Variants in SPTB observed in about 807,000 individuals in gnomAD.
The protein encoded by SPTB is spectrin beta, erythrocytic.
SPTB carries 45 observed loss-of-function variants against 256.2 expected under a neutral mutation model. That is an observed-to-expected ratio of 0.18 (90% confidence interval 0.14 to 0.23). The LOEUF is 0.23. Ranked by LOEUF, SPTB falls within the 10% of genes least tolerant of loss-of-function variation. The pLI, the probability that SPTB is intolerant of heterozygous loss-of-function variation, is 1.00. For synonymous variants in SPTB, 1,231 were observed against 1,243.1 expected (o/e 0.99, Z 0.21); for missense variants, 2,715 against 3,040.4 (o/e 0.89, Z 2.52).
chr14:64,779,515 C>T lies in SPTB; in HGVS notation c.4473+210G>A, dbSNP rs544244602. On this transcript the variant is annotated intron_variant, in intron 21 of 35. Transcript: ENST00000644917. The surrounding 1 kb of genome is among the most constrained non-coding windows in gnomAD (Gnocchi z 4.2). ...TCTGACCCAAGTCCATGCTCTTCACCGAGCAATACTAGCAAGTGAACAGTG... is the reference window on the plus strand; with the variant it reads ...TCTGACCCAAGTCCATGCTCTTCACTGAGCAATACTAGCAAGTGAACAGTG... Among the ~76,000 whole-genome samples the T allele has an allele frequency of 1.9e-4, 29 of 152,312 alleles. No individual in the cohort carries two copies. Among genetic ancestry groups the T allele is most frequent in the African/African-American group, 5.8e-4 (24 of 41,552 alleles).
rs1164171886 is a variant in SPTB, at chr14:64,760,595, C to T, written c.6345+6131G>A. Among the ~76,000 whole-genome samples the T allele has an allele frequency of 1.3e-5, 2 of 152,174 alleles. No individual in the cohort carries two copies. The highest frequency in any genetic ancestry group is 2.4e-5 in the African/African-American group (1 of 41,420). On this transcript the variant is annotated intron_variant, in intron 32 of 35. Coordinates refer to ENST00000644917, the MANE Select transcript of SPTB (RefSeq NM_001355436.2). The surrounding 1 kb of genome is among the most constrained non-coding windows in gnomAD (Gnocchi z 4.3). ...GGCTGACTGCAGCAACGGGATGCAT[C>T]GTGCCACAACTGAATTCATGTTAGA...
At chr14:64,843,796 C>T (rs1055229153) in intron 1 of SPTB, among the ~76,000 whole-genome samples, 4 of 152,278 alleles carry the variant, frequency 2.6e-5, no homozygotes, top group Admixed American at 2.0e-4. Flanking sequence ...CAATAGTCAC[C>T]GCCTGCTCTA....
intron 18 of SPTB, among the ~76,000 whole-genome samples, chr14:64,784,918 G>C (rs544927131): frequency 6.6e-6 from 1 of 152,324 alleles, no homozygotes; most frequent in South Asian, 2.1e-4. Context: ...GAGGGACCTG[G>C]GAAGGCGGAT....
Position 64,796,971 on chromosome 14 carries a change from A to C in SPTB, c.1183-256T>G, listed in dbSNP as rs910868863. Among the ~76,000 whole-genome samples, 2 of 152,148 alleles carry C rather than the reference A, an allele frequency of 1.3e-5. No individual in the cohort carries two copies. The highest frequency in any genetic ancestry group is 2.4e-5 in the African/African-American group (1 of 41,426). On this transcript the variant is annotated intron_variant, in intron 10 of 35. Coordinates refer to ENST00000644917, the MANE Select transcript of SPTB (RefSeq NM_001355436.2). This position sits in a 1 kb window ranked among gnomAD's most constrained non-coding sequence, Gnocchi z 4.1. ...AACCTGCCTCAGACTCTTGGCCCAA[A>C]ATAATGTTTTTCACCTCTCTGGATG...
intron 30 of SPTB, 61 bp from the exon 31 acceptor site, chr14:64,767,413 G>C (rs116589340): frequency 3.7e-6 from 6 of 1,604,490 alleles, no homozygotes; most frequent in Non-Finnish European, 5.1e-6. Flanking sequence ...GTTCTCAGAC[G>C]ATCTCCCTCT....
rs2082427908 is a variant in SPTB, at chr14:64,779,594, G to GAC, written c.4473+130_4473+131insGT. The GAC allele has an allele frequency of 2.4e-5, 22 of 930,008 alleles. No homozygotes were observed. The highest frequency in any genetic ancestry group is 3.9e-5 in the Non-Finnish European group (22 of 567,278). 57.6% of individuals were successfully genotyped at this position (930,008 alleles called of 1,614,324 possible). A position where few individuals can be genotyped will look rare whatever the true frequency, so the allele number is the denominator to read the frequency against. ...TTTCCATTTAATGTAATCCTCACAA[G>GAC]AACCCTATGAGATAAGGGGTGAGGT... On this transcript the variant is annotated intron_variant, in intron 21 of 35. Transcript: ENST00000644917. This position sits in a 1 kb window ranked among gnomAD's most constrained non-coding sequence, Gnocchi z 4.2.
intron 3 of SPTB, 55 bp downstream of exon 3, chr14:64,804,883 CT>C: frequency 6.2e-7 from 1 of 1,611,210 alleles, no homozygotes; most frequent in African/African-American, 1.3e-5. Flanking sequence ...CAAACCATGC[CT>C]TTGCTGAAGA....
At position 64,823,683 on chromosome 14, in the gene SPTB, G is replaced by A. The variant is rs187544192; in HGVS notation, c.-51-538C>T. ...AAGCCGCCACTGACGCCACCAGCCC[G>A]GGGCAGCTGCACTGGGGGGACTTCA... On this transcript the variant is annotated intron_variant, in intron 1 of 35. Transcript: ENST00000644917. This position sits in a 1 kb window ranked among gnomAD's most constrained non-coding sequence, Gnocchi z 6.5. Among the ~76,000 whole-genome samples, 24 of 152,304 alleles carry A rather than the reference G, an allele frequency of 1.6e-4. No homozygotes were observed. The highest frequency in any genetic ancestry group is 3.4e-3 in the Middle Eastern group (1 of 294).
intron 1 of SPTB, among the ~76,000 whole-genome samples, chr14:64,857,308 C>A (rs921284638): frequency 3.9e-5 from 6 of 152,068 alleles, no homozygotes; most frequent in African/African-American, 1.4e-4. Context: ...CCGGGCCGGA[C>A]ACAGTGGCCC....
At chr14:64,782,847 T>C (rs913118999) in intron 19 of SPTB, among the ~76,000 whole-genome samples, 24 of 148,568 alleles carry the variant, frequency 1.6e-4, no homozygotes, top group Admixed American at 1.5e-3. Context: ...CTGTGCATAA[T>C]TTTCATGATA....
rs374648585 is a variant in SPTB, at chr14:64,786,654, G to A, written c.3311C>T (p.Ala1104Val). ...PEAEQLLQQH[A>V]GIKDEIDGHQ... The stretch of plus-strand genomic sequence containing the variant: ...CCCGTCAATCTCATCCTTGATACCT[G>A]CATGCTGCTGCAGGAGCTGCTCAGC... Residue 1104 changes from alanine (A) to valine (V), a missense_variant, in exon 16 of 36, where the codon GCA (alanine) becomes GTA (valine). Around this residue, in one of 4 missense-constraint regions of SPTB, gnomAD observed 2,239 missense variants for 2,384.4 expected, o/e 0.94. Transcript: ENST00000644917. This position sits in a 1 kb window ranked among gnomAD's most constrained non-coding sequence, Gnocchi z 5.6. 1.2e-6 allele frequency: 2 copies of A among 1,614,106 alleles called. No individual in the cohort carries two copies. Among genetic ancestry groups the A allele is most frequent in the Non-Finnish European group, 1.7e-6 (2 of 1,179,960 alleles).
intron 1 of SPTB, among the ~76,000 whole-genome samples, chr14:64,835,986 G>C (rs570673447): frequency 6.6e-6 from 1 of 152,198 alleles, no homozygotes; most frequent in Non-Finnish European, 1.5e-5. Flanking sequence ...CTGTGGGAGA[G>C]ACTGGTGGGG....
chr14:64,834,947 A>G (rs1441174403), intron 1 of SPTB, among the ~76,000 whole-genome samples: 1 of 152,246 alleles, frequency 6.6e-6, no homozygotes, highest in Admixed American at 6.5e-5. Context: ...TTTGCCTCAC[A>G]AACAAAAAGA....
chr14:64,810,701 A>G (rs2083072789), intron 2 of SPTB, among the ~76,000 whole-genome samples: 1 of 152,162 alleles, frequency 6.6e-6, no homozygotes, highest in Non-Finnish European at 1.5e-5. Flanking sequence ...AACAACAACA[A>G]CAACAAATCA....
In SPTB at chr14:64,806,412, G is replaced by A. The variant is rs568326136; in HGVS notation, c.149-1322C>T. 6.6e-6 allele frequency among the ~76,000 whole-genome samples: 1 copy of A among 152,336 alleles called. No homozygotes were observed. Among genetic ancestry groups the A allele is most frequent in the East Asian group, 1.9e-4 (1 of 5,186 alleles). ...GGAGATCACAGCCAGGACATACCTG[G>A]AGTGGCCTAGCCAGGAGCGGGGTCT... On this transcript the variant is annotated intron_variant, in intron 2 of 35. Coordinates refer to ENST00000644917, the MANE Select transcript of SPTB (RefSeq NM_001355436.2). The surrounding 1 kb of genome is among the most constrained non-coding windows in gnomAD (Gnocchi z 4.1).
In SPTB at chr14:64,793,703, T is replaced by C. The variant is rs1250189126; in HGVS notation, c.1960A>G (p.Lys654Glu). 5 of 1,614,062 alleles carry C rather than the reference T, an allele frequency of 3.1e-6. No individual in the cohort carries two copies. The highest frequency in any genetic ancestry group is 1.6e-4 in the Middle Eastern group (1 of 6,084). Residue 654 changes from lysine to glutamate, a missense_variant, in exon 14 of 36, where the codon AAG (lysine) becomes GAG (glutamate). Transcript: ENST00000644917. This position sits in a 1 kb window ranked among gnomAD's most constrained non-coding sequence, Gnocchi z 7.0. The part of the protein sequence containing the change: ...WEMDEAESWI[K>E]EKEQIYSSLD... ...GAAGAATAGATCTGCTCCTTCTCCT[T>C]GATCCAGCTCTCAGCCTCATCCATC...
chr14:64,788,591 C>G (rs568188774), intron 15 of SPTB, among the ~76,000 whole-genome samples: 1 of 152,266 alleles, frequency 6.6e-6, no homozygotes, highest in South Asian at 2.1e-4. Flanking sequence ...TGTTTGAAAG[C>G]CCTGGAATCG....
intron 2 of SPTB, among the ~76,000 whole-genome samples, chr14:64,818,070 G>C (rs1441752824): frequency 1.3e-5 from 2 of 152,224 alleles, no homozygotes; most frequent in African/African-American, 4.8e-5. Flanking sequence ...AAGAGACAAT[G>C]CAGGAAGGAA....
In SPTB at chr14:64,808,572, T is replaced by C. The variant is rs529573851; in HGVS notation, c.149-3482A>G. On this transcript the variant is annotated intron_variant, in intron 2 of 35. Transcript: ENST00000644917. ...TGGAACGGGCTGGCACAGAGAAAGC[T>C]TGCCATCATGTGAACTCTCATTGTT... Among the ~76,000 whole-genome samples, 37 of 152,234 alleles carry C rather than the reference T, an allele frequency of 2.4e-4. No homozygotes were observed. In the South Asian group the frequency reaches 7.5e-3, roughly 31 times the overall value.
Sources: gnomAD v4.1 joint callset for allele counts (sites outside exome capture counted in the v4.1 genomes callset) on GRCh38, gnomAD v4.1.1 for gene constraint, gnomAD v4.1.1 regional missense constraint, Gnocchi (gnomAD v3.1) non-coding constraint, MANE v1.5 for transcripts, NCBI Gene and HGNC (gene_info 2026-07-23, HGNC 2026-07-21) for gene names.